FEZ1: variants seen among roughly 807,000 people sequenced by gnomAD.
FEZ1 encodes fasciculation and elongation protein zeta-1.
In FEZ1, 20 loss-of-function variants were observed where a neutral mutation model predicts 49.3. The ratio of observed to expected loss-of-function variants is 0.41; its 90% confidence interval spans 0.29 to 0.59. FEZ1 has a LOEUF of 0.59. Ranked by LOEUF, FEZ1 falls within the 20% of genes least tolerant of loss-of-function variation. The pLI is 0.36. For synonymous variants in FEZ1, 170 were observed against 180.9 expected, an observed-to-expected ratio of 0.94 and a Z score of 0.48; for missense variants, 413 against 476.0, an observed-to-expected ratio of 0.87 and a Z score of 1.23.
chr11:125,475,965 A>G (rs1159444138), intron 3 of FEZ1, among the ~76,000 whole-genome samples: 9 of 152,246 alleles, frequency 5.9e-5, no homozygotes, highest in Non-Finnish European at 1.3e-4. Flanking sequence ...CTACTCAACA[A>G]TAAAAAGAAA....
Position 125,488,690 on chromosome 11 carries a change from A to G in FEZ1, c.311+777T>C, listed in dbSNP as rs558747386. 1.1e-4 allele frequency: 112 copies of G among 982,788 alleles called. No homozygotes were observed. In the African/African-American group the frequency reaches 1.9e-3, roughly 17 times the overall value. The allele number at this position is 982,788 out of a possible 1,614,324, so 60.9% of individuals were successfully genotyped here. The stretch of plus-strand genomic sequence containing the variant: ...ATGAAACTTCATCTCAAAAAAAAAC[A>G]AAACAAAACAAAACAAAAAAACACA... On this transcript the variant is annotated intron_variant, in intron 2 of 9. Transcript: ENST00000278919.
Position 125,493,366 on chromosome 11 carries a change from G to GA in FEZ1, c.-46+2754dup, listed in dbSNP as rs1278272639. On this transcript the variant is annotated intron_variant, in intron 1 of 9. Transcript: ENST00000278919. ...GAAAGAAAGAAAGAAAGAGAGAAAA[G>GA]AAAGAAAGAAAGAAAGAAAGAAAGA... Among the ~76,000 whole-genome samples, 4 of 21,792 alleles carry GA rather than the reference G, an allele frequency of 1.8e-4. 1 individual carries two copies. Among genetic ancestry groups the GA allele is most frequent in the African/African-American group, 6.8e-4 (4 of 5,846 alleles). 14.3% of individuals were successfully genotyped at this position (21,792 alleles called of 152,430 possible). A position where few individuals can be genotyped will look rare whatever the true frequency, so the allele number is the denominator to read the frequency against.
At position 125,445,785 on chromosome 11, in the gene FEZ1, C is replaced by T. The variant is rs1956892790; in HGVS notation, c.*310G>A. 1 of 412,422 alleles carries T rather than the reference C, an allele frequency of 2.4e-6. No individual in the cohort carries two copies. Among genetic ancestry groups the T allele is most frequent in the Admixed American group, 3.6e-5 (1 of 28,128 alleles). 25.5% of individuals were successfully genotyped at this position (412,422 alleles called of 1,614,324 possible). On this transcript the variant is annotated 3_prime_UTR_variant, in exon 10 of 10. Coordinates refer to ENST00000278919, the MANE Select transcript of FEZ1 (RefSeq NM_005103.5). This position sits in a 1 kb window ranked among gnomAD's most constrained non-coding sequence, Gnocchi z 4.4. ...ATGAAGGTTTTATTTCAAAATTAGT[C>T]TTAAGAGTATAAGCTGTTTTTGAGG... is the stretch of plus-strand genomic sequence containing the variant.
chr11:125,486,231 A>C (rs1476656231), intron 2 of FEZ1, among the ~76,000 whole-genome samples: 1 of 152,170 alleles, frequency 6.6e-6, no homozygotes, highest in Non-Finnish European at 1.5e-5. Context: ...CAGCCATTGC[A>C]TGGTTAGCCC....
intron 7 of FEZ1, chr11:125,453,182 C>T (rs1268959812): frequency 6.6e-6 from 1 of 152,218 alleles, no homozygotes. Flanking sequence ...GTCTCGAATT[C>T]CTGACTTTGG....
In FEZ1 at chr11:125,489,705, C is replaced by T. The variant is rs770770009; in HGVS notation, c.73G>A (p.Glu25Lys). The change falls in exon 2 of 10, where the codon GAG becomes AAG. Residue 25 changes from glutamate to lysine, a missense_variant. By Grantham distance (56) the Glu-to-Lys change is moderately conservative. Transcript: ENST00000278919. The surrounding 1 kb of genome is among the most constrained non-coding windows in gnomAD (Gnocchi z 4.2). Reference sequence around the variant, plus strand: ...GAACCATAGAAACACTGGGGCTTCTCCTCCGGGTCCTCCGAGCAGGAGGGT... The same window carrying T: ...GAACCATAGAAACACTGGGGCTTCTTCTCCGGGTCCTCCGAGCAGGAGGGT... ...LRPSCSEDPE[E>K]KPQCFYGSSP... 4.3e-6 allele frequency: 7 copies of T among 1,610,276 alleles called. No homozygotes were observed. Among genetic ancestry groups the T allele is most frequent in the Non-Finnish European group, 5.9e-6 (7 of 1,177,928 alleles).
chr11:125,485,341 C>T (rs564024269), intron 2 of FEZ1, among the ~76,000 whole-genome samples: 23 of 152,146 alleles, frequency 1.5e-4, no homozygotes, highest in Admixed American at 5.2e-4. Context: ...TGAGCAAACC[C>T]AGTGGAGGAG....
intron 3 of FEZ1, among the ~76,000 whole-genome samples, chr11:125,476,024 AG>A (rs1395358028): frequency 3.3e-5 from 5 of 152,258 alleles, no homozygotes; most frequent in Admixed American, 2.6e-4. Flanking sequence ...AATTACATTG[AG>A]TTTAATAAGC....
At chr11:125,448,647 C>G (rs1956919660) in intron 8 of FEZ1, 80 bp from the exon 9 acceptor site, 1 of 851,276 alleles carries the variant, frequency 1.2e-6, no homozygotes, top group African/African-American at 1.7e-5. Context: ...CCCACCAGCC[C>G]AGAGTGAGAG....
chr11:125,478,962 A>G (rs1210669343), intron 3 of FEZ1, among the ~76,000 whole-genome samples: 2 of 152,232 alleles, frequency 1.3e-5, no homozygotes, highest in African/African-American at 4.8e-5. Context: ...TAATTTCAGT[A>G]ACTAGATTTA....
At chr11:125,474,346 C>A (rs1957210508) in intron 3 of FEZ1, among the ~76,000 whole-genome samples, 1 of 151,280 alleles carries the variant, frequency 6.6e-6, no homozygotes, top group Admixed American at 6.6e-5. Context: ...CCTAATTTTT[C>A]TTTTTGAGAG....
chr11:125,481,710 G>T, intron 2 of FEZ1, 77 bp from the exon 3 acceptor site: 1 of 954,220 alleles, frequency 1.0e-6, no homozygotes, highest in Non-Finnish European at 1.7e-6. Flanking sequence ...GCTGGGCCGG[G>T]AGAGGAGAGA....
rs1555043780 is a variant in FEZ1, at chr11:125,493,547, A to AAAGAAAGAAAGAAAGG, written c.-46+2573_-46+2574insCCTTTCTTTCTTTCTT. On this transcript the variant is annotated intron_variant, in intron 1 of 9. Coordinates refer to ENST00000278919, the MANE Select transcript of FEZ1 (RefSeq NM_005103.5). ...GAAAGAAAGAAAGAAAGAAAGAAAG[A>AAAGAAAGAAAGAAAGG]AAGAAAGGTGATGTGGGAGTGCTTC... Among the ~76,000 whole-genome samples the AAAGAAAGAAAGAAAGG allele has an allele frequency of 5.9e-4, 80 of 134,646 alleles. 1 individual carries two copies. Among genetic ancestry groups the AAAGAAAGAAAGAAAGG allele is most frequent in the East Asian group, 1.5e-3 (6 of 4,116 alleles). 88.3% of individuals were successfully genotyped at this position (134,646 alleles called of 152,430 possible).
chr11:125,468,744 A>G (rs1957156808), intron 3 of FEZ1, among the ~76,000 whole-genome samples: 1 of 152,192 alleles, frequency 6.6e-6, no homozygotes, highest in Non-Finnish European at 1.5e-5. Context: ...AGGCTGCCCA[A>G]GGTAAAGGGG....
chr11:125,480,284 G>A (rs1251449255), intron 3 of FEZ1, among the ~76,000 whole-genome samples: 2 of 152,168 alleles, frequency 1.3e-5, no homozygotes, highest in Non-Finnish European at 2.9e-5. Flanking sequence ...GGGGGTGGTG[G>A]GTAAGGCTGG....
At chr11:125,474,191 A>AT (rs34135138) in intron 3 of FEZ1, among the ~76,000 whole-genome samples, 12,551 of 128,378 alleles carry the variant, frequency 0.098, 1,153 homozygotes, top group African/African-American at 0.25. Flanking sequence ...TGCCAGGCTA[A>AT]TTTTTTTTTT....
chr11:125,463,402 T>C, intron 4 of FEZ1, 82 bp downstream of exon 4: 2 of 787,756 alleles, frequency 2.5e-6, no homozygotes, highest in East Asian at 4.9e-5. Flanking sequence ...CTGCCTTAAA[T>C]GGATGTGGCA....
intron 3 of FEZ1, among the ~76,000 whole-genome samples, chr11:125,467,623 G>A (rs1240296459): frequency 6.6e-6 from 1 of 152,168 alleles, no homozygotes; most frequent in Non-Finnish European, 1.5e-5. Flanking sequence ...GGCCAGGGTG[G>A]GAGGGTCACT....
At position 125,463,514 on chromosome 11, in the gene FEZ1, G is replaced by C. The variant is rs770703429; in HGVS notation, c.468C>G (p.Ile156Met). Residue 156 changes from isoleucine (I) to methionine (M), a missense_variant, in exon 4 of 10, where the codon ATC (isoleucine) becomes ATG (methionine). By Grantham distance (10) the Ile-to-Met change is conservative. Coordinates refer to ENST00000278919, the MANE Select transcript of FEZ1 (RefSeq NM_005103.5). The part of the protein sequence containing the change: ...FNEKSENDSG[I>M]NEEPLLTADQ... ...CTGCTGTGAGCAGAGGCTCCTCGTT[G>C]ATACCGGAATCATTTTCACTCTTCT... is the stretch of plus-strand genomic sequence containing the variant. The C allele has an allele frequency of 1.2e-6, 2 of 1,610,180 alleles. No individual in the cohort carries two copies. The highest frequency in any genetic ancestry group is 1.7e-6 in the Non-Finnish European group (2 of 1,176,506).
Sources: gnomAD v4.1 joint callset for allele counts (sites outside exome capture counted in the v4.1 genomes callset) on GRCh38, gnomAD v4.1.1 for gene constraint, Gnocchi (gnomAD v3.1) non-coding constraint, MANE v1.5 for transcripts, NCBI Gene and HGNC (gene_info 2026-07-23, HGNC 2026-07-21) for gene names.